The following RABGAP1L variants were observed in gnomAD, a reference collection of about 807,000 sequenced individuals.
The protein encoded by RABGAP1L is rab GTPase-activating protein 1-like.
RABGAP1L carries 63 observed loss-of-function variants against 137.7 expected under a neutral mutation model. The ratio of observed to expected loss-of-function variants is 0.46; its 90% CI spans 0.37 to 0.56. The LOEUF (loss-of-function observed/expected upper bound fraction) is 0.56, where lower values mean the gene tolerates loss of function less well. RABGAP1L is among the 20% of genes least tolerant of loss of function. The pLI, the probability that RABGAP1L is intolerant of heterozygous loss-of-function variation, is 0.00. For synonymous variants in RABGAP1L, 431 were observed against 433.7 expected, an observed-to-expected ratio of 0.99 and a Z score of 0.08; for missense variants, 1,095 against 1,244.0, an observed-to-expected ratio of 0.88 and a Z score of 1.80.
At chr1:174,480,715 A>G (rs922681243) in intron 13 of RABGAP1L, among the ~76,000 whole-genome samples, 1 of 152,250 alleles carries the variant, frequency 6.6e-6, no homozygotes, top group African/African-American at 2.4e-5. Context: ...TATCTATCAC[A>G]CAAAATGCTT....
intron 11 of RABGAP1L, among the ~76,000 whole-genome samples, chr1:174,329,476 A>G (rs917405059): frequency 2.0e-5 from 3 of 152,158 alleles, no homozygotes; most frequent in East Asian, 1.9e-4. Flanking sequence ...TTTCAAACCC[A>G]TTTTATGAGA....
chr1:174,424,948 G>T (rs1298942605), intron 13 of RABGAP1L, among the ~76,000 whole-genome samples: 1 of 152,000 alleles, frequency 6.6e-6, no homozygotes, highest in Non-Finnish European at 1.5e-5. Flanking sequence ...AACAGAATGG[G>T]TTAAACTGTC....
At chr1:174,201,551 A>G (rs1314666449) in intron 1 of RABGAP1L, among the ~76,000 whole-genome samples, 2 of 151,996 alleles carry the variant, frequency 1.3e-5, no homozygotes. Context: ...TATTTTATGT[A>G]GATGCTACAC....
At chr1:174,525,075 G>A (rs1323517588) in intron 13 of RABGAP1L, among the ~76,000 whole-genome samples, 1 of 152,102 alleles carries the variant, frequency 6.6e-6, no homozygotes, top group African/African-American at 2.4e-5. Flanking sequence ...GTCAGGTAGT[G>A]TGCTACCTCC....
chr1:174,481,881 T>TAAAAAAAAAAAGAAAAAAAAAAAAA (rs1659126649), intron 13 of RABGAP1L, among the ~76,000 whole-genome samples: 6 of 59,526 alleles, frequency 1.0e-4, no homozygotes, highest in Non-Finnish European at 2.1e-4. Flanking sequence ...TAATAAAAAA[T>TAAAAAAAAAAAGAAAAAAAAAAAAA]AAAAAAAAAA....
chr1:174,230,535 A>G (rs924729805), intron 3 of RABGAP1L, among the ~76,000 whole-genome samples: 21 of 152,224 alleles, frequency 1.4e-4, no homozygotes, highest in African/African-American at 4.1e-4. Context: ...GACAGAACTC[A>G]GCTTTAGAGC....
At chr1:174,610,317 G>T (rs1286329744) in intron 13 of RABGAP1L, among the ~76,000 whole-genome samples, 1 of 148,208 alleles carries the variant, frequency 6.7e-6, no homozygotes, top group African/African-American at 2.5e-5. Flanking sequence ...TTGGTTTTTT[G>T]TCCTTGTGAT....
Position 174,376,213 on chromosome 1 carries a change from AGAAG to A in RABGAP1L, c.1559+5153_1559+5156del, listed in dbSNP as rs922573524. 5.3e-5 allele frequency among the ~76,000 whole-genome samples: 8 copies of A among 151,076 alleles called. No individual in the cohort carries two copies. The South Asian group carries it at 6.3e-4, about 12-fold the overall frequency. ...GAAGGAAAGAAAGGAAGAAAGAAAG[AGAAG>A]GAAGGAAGGAAAGGAAAGAAGGAAG... On this transcript the variant is annotated intron_variant, in intron 12 of 25. Transcript: ENST00000681986.
intron 11 of RABGAP1L, among the ~76,000 whole-genome samples, chr1:174,360,367 A>T (rs943718264): frequency 2.6e-5 from 4 of 152,200 alleles, no homozygotes; most frequent in Non-Finnish European, 5.9e-5. Flanking sequence ...ATGTGATAAG[A>T]TACTGTTGGA....
chr1:174,633,136 A>G (rs1162603714), intron 13 of RABGAP1L, among the ~76,000 whole-genome samples: 3 of 151,614 alleles, frequency 2.0e-5, no homozygotes, highest in East Asian at 1.9e-4. Flanking sequence ...AGAAAACCCC[A>G]TCGTCTCAGC....
chr1:174,622,097 G>GA (rs1161291189), intron 13 of RABGAP1L, among the ~76,000 whole-genome samples: 3 of 152,188 alleles, frequency 2.0e-5, no homozygotes, highest in East Asian at 3.8e-4. Flanking sequence ...AGAGACACAT[G>GA]AAAAAATGCT....
At chr1:174,937,635 TCTTGC>T (rs1665100240) in intron 19 of RABGAP1L, among the ~76,000 whole-genome samples, 1 of 116,268 alleles carries the variant, frequency 8.6e-6, no homozygotes, top group African/African-American at 3.8e-5. Context: ...TATATATATA[TCTTGC>T]AGTTAGAAAC....
chr1:174,921,740 G>GTATT (rs1334031103), intron 19 of RABGAP1L, among the ~76,000 whole-genome samples: 1 of 152,112 alleles, frequency 6.6e-6, no homozygotes, highest in Non-Finnish European at 1.5e-5. Flanking sequence ...TCTGAACCAT[G>GTATT]TATTTATTTA....
chr1:174,964,177 A>G (rs893813982), intron 20 of RABGAP1L, among the ~76,000 whole-genome samples: 1 of 152,190 alleles, frequency 6.6e-6, no homozygotes, highest in Non-Finnish European at 1.5e-5. Flanking sequence ...AGAGGTATCC[A>G]AAAGAAAATA....
At chr1:174,854,606 G>T (rs1648929893) in intron 19 of RABGAP1L, among the ~76,000 whole-genome samples, 1 of 150,626 alleles carries the variant, frequency 6.6e-6, no homozygotes, top group African/African-American at 2.4e-5. Flanking sequence ...AGACCCTTAA[G>T]GGCCTAAGCA....
At chr1:174,812,922 C>G (rs1280222130) in intron 19 of RABGAP1L, among the ~76,000 whole-genome samples, 1 of 152,160 alleles carries the variant, frequency 6.6e-6, no homozygotes, top group East Asian at 1.9e-4. Context: ...CCAGAGACTG[C>G]CTCATGCCTG....
chr1:174,518,326 A>T (rs763035136), intron 13 of RABGAP1L, among the ~76,000 whole-genome samples: 4 of 152,066 alleles, frequency 2.6e-5, no homozygotes, highest in Non-Finnish European at 5.9e-5. Context: ...ACAGACGCCA[A>T]CCTCCAGGAT....
intron 14 of RABGAP1L, among the ~76,000 whole-genome samples, chr1:174,679,907 C>A (rs1040491796): frequency 6.6e-6 from 1 of 152,080 alleles, no homozygotes; most frequent in African/African-American, 2.4e-5. Flanking sequence ...CATAGACTTA[C>A]CAGGTTTTTA....
intron 1 of RABGAP1L, among the ~76,000 whole-genome samples, chr1:174,216,732 A>G (rs116070491): frequency 3.9e-5 from 6 of 152,254 alleles, no homozygotes; most frequent in African/African-American, 9.6e-5. Flanking sequence ...TATGCTGGCA[A>G]TGATTTTTCT....
Sources: allele counts gnomAD v4.1 joint callset (sites outside exome capture counted in the v4.1 genomes callset), GRCh38; gene constraint gnomAD v4.1.1; transcripts MANE v1.5; gene names NCBI Gene and HGNC (gene_info 2026-07-23, HGNC 2026-07-21).